The following SRP19 variants were observed in gnomAD, a reference collection of about 807,000 sequenced individuals.
The protein encoded by SRP19 is signal recognition particle 19.
SRP19 carries 11 observed loss-of-function variants against 22.4 expected under a neutral mutation model. The observed-to-expected ratio is 0.49, with a 90% CI of 0.31 to 0.81. The LOEUF (loss-of-function observed/expected upper bound fraction) is 0.81. SRP19 is among the 40% of genes least tolerant of loss of function. The pLI is 0.05. For missense variants in SRP19, 168 were observed against 175.9 expected (o/e 0.96, Z 0.25); for synonymous variants, 61 against 57.6 (o/e 1.06, Z -0.27).
At chr5:112,885,503 A>AGG in intron 4 of SRP19, 4 of 208,626 alleles carry the variant, frequency 1.9e-5, no homozygotes, top group Non-Finnish European at 4.1e-5. Flanking sequence ...CTAACTAGGC[A>AGG]GATGAGGGTA....
At chr5:112,874,831 A>G (rs1389853372) in intron 4 of SRP19, among the ~76,000 whole-genome samples, 2 of 151,216 alleles carry the variant, frequency 1.3e-5, no homozygotes, top group Admixed American at 6.6e-5. Flanking sequence ...CTAGAGTGCA[A>G]ATGGCGTGAT....
At chr5:112,865,954 A>G (rs764711044) in intron 4 of SRP19, among the ~76,000 whole-genome samples, 11 of 152,218 alleles carry the variant, frequency 7.2e-5, no homozygotes, top group East Asian at 3.9e-4. Flanking sequence ...CTCAAACTCA[A>G]GCAATCTTCC....
exon 5 of SRP19, chr5:112,892,355 A>G (rs1462172532): frequency 6.2e-7 from 1 of 1,614,034 alleles, no homozygotes; most frequent in Non-Finnish European, 8.5e-7. Flanking sequence ...GAAACCTACC[A>G]ACAGTTCCTA....
chr5:112,884,049 C>T (rs539132045), intron 4 of SRP19, among the ~76,000 whole-genome samples: 32 of 152,324 alleles, frequency 2.1e-4, no homozygotes, highest in African/African-American at 7.5e-4. Flanking sequence ...CTGCAAGAAC[C>T]TTTTAACTGT....
Position 112,867,599 on chromosome 5 carries a change from T to C in SRP19, c.*62T>C. 1.4e-6 allele frequency: 2 copies of C among 1,463,538 alleles called. No individual in the cohort carries two copies. Among genetic ancestry groups the C allele is most frequent in the Non-Finnish European group, 1.8e-6 (2 of 1,103,640 alleles). 90.7% of individuals were successfully genotyped at this position (1,463,538 alleles called of 1,614,324 possible). A position where few individuals can be genotyped will look rare whatever the true frequency, so the allele number is the denominator to read the frequency against. On this transcript the variant is annotated 3_prime_UTR_variant, in exon 5 of 5. Transcript: ENST00000505459. ...GAGACATGAATGGAGACTTCTAATT[T>C]GTATCGGAGGGAAACAGAAGCTTTT...
Position 112,869,088 on chromosome 5 carries a change from T to C in SRP19, c.*1551T>C, listed in dbSNP as rs1197475409. 6.6e-6 allele frequency: 1 copy of C among 152,192 alleles called. No individual in the cohort carries two copies. Among genetic ancestry groups the C allele is most frequent in the African/African-American group, 2.4e-5 (1 of 41,444 alleles). 9.4% of individuals were successfully genotyped at this position (152,192 alleles called of 1,614,324 possible). The stretch of plus-strand genomic sequence containing the variant: ...ACAATAAGGGGATGTGTTTGCTGTG[T>C]AACAAAACAATGAAGGATTTAAGCA... On this transcript the variant is annotated 3_prime_UTR_variant, in exon 5 of 5. Transcript: ENST00000505459.
intron 4 of SRP19, among the ~76,000 whole-genome samples, chr5:112,890,022 T>C (rs746159194): frequency 1.2e-4 from 18 of 150,386 alleles, no homozygotes; most frequent in Admixed American, 4.6e-4. Flanking sequence ...AGACGGGGTT[T>C]CACCATGTTG....
Position 112,869,155 on chromosome 5 carries a change from G to A in SRP19, c.*1618G>A, listed in dbSNP as rs1393051945. ...TATGTTAAATCCAAGTGAGGTTGCT[G>A]TGGTGGTTGGTTTAGCTCTCAGTGA... On this transcript the variant is annotated 3_prime_UTR_variant, in exon 5 of 5. Transcript: ENST00000505459. 6.6e-6 allele frequency: 1 copy of A among 152,228 alleles called. No homozygotes were observed. The highest frequency in any genetic ancestry group is 1.9e-4 in the East Asian group (1 of 5,204). 9.4% of individuals were successfully genotyped at this position (152,228 alleles called of 1,614,324 possible). A position where few individuals can be genotyped will look rare whatever the true frequency, so the allele number is the denominator to read the frequency against.
exon 5 of SRP19, chr5:112,892,316 C>A: frequency 6.2e-7 from 1 of 1,614,120 alleles, no homozygotes; most frequent in Middle Eastern, 1.6e-4. Flanking sequence ...GACTATGACC[C>A]TGACGCAAGC....
At chr5:112,889,057 C>T (rs1768350072) in intron 4 of SRP19, among the ~76,000 whole-genome samples, 1 of 150,894 alleles carries the variant, frequency 6.6e-6, no homozygotes, top group South Asian at 2.1e-4. Flanking sequence ...TGTAAGACAT[C>T]CCTTTGCTTT....
intron 2 of SRP19, 55 bp downstream of exon 2, chr5:112,862,638 G>T: frequency 4.0e-6 from 6 of 1,501,940 alleles, no homozygotes; most frequent in Non-Finnish European, 5.5e-6. Flanking sequence ...TGTCATCCTG[G>T]TCGGGCCACG....
In SRP19 at chr5:112,878,909, G is replaced by A; in HGVS notation, c.302-12694G>A. ...TGGAATGCAAGCTTGCAAGCTTTGT[G>A]CCTAATGTAGCTACTAGATAACAAA... is the stretch of plus-strand genomic sequence containing the variant. On this transcript the variant is annotated intron_variant, in intron 4 of 4. Transcript: ENST00000391338. 3 of 1,607,666 alleles carry A rather than the reference G, an allele frequency of 1.9e-6. No homozygotes were observed. The South Asian group carries it at 3.3e-5, about 18-fold the overall frequency.
At chr5:112,875,178 C>G (rs1183057167) in intron 4 of SRP19, among the ~76,000 whole-genome samples, 2 of 152,180 alleles carry the variant, frequency 1.3e-5, no homozygotes, top group East Asian at 3.8e-4. Flanking sequence ...GCCAGGAAAA[C>G]TTTTAATATC....
chr5:112,873,309 A>T (rs1350519444), downstream of SRP19, among the ~76,000 whole-genome samples: 98 of 15,472 alleles, frequency 6.3e-3, no homozygotes, highest in Non-Finnish European at 8.1e-3. Flanking sequence ...GCCTTTATTT[A>T]GATTTGCTCA....
At chr5:112,882,589 C>A (rs1333676311) in intron 4 of SRP19, among the ~76,000 whole-genome samples, 1 of 152,166 alleles carries the variant, frequency 6.6e-6, no homozygotes, top group Non-Finnish European at 1.5e-5. Flanking sequence ...CTCAAGCATG[C>A]CTTTAACACT....
intron 4 of SRP19, chr5:112,886,962 C>G (rs549888757): frequency 7.4e-7 from 1 of 1,347,500 alleles, no homozygotes; most frequent in African/African-American, 1.4e-5. Context: ...TATTTGAGCC[C>G]AGTGTGTCAC....
chr5:112,879,746 G>T (rs1327781175), intron 4 of SRP19, among the ~76,000 whole-genome samples: 1 of 151,960 alleles, frequency 6.6e-6, no homozygotes, highest in African/African-American at 2.4e-5. Context: ...AAAGTGCTGG[G>T]ATTACAGACG....
chr5:112,873,697 G>T (rs1200455311), downstream of SRP19, among the ~76,000 whole-genome samples: 6 of 151,928 alleles, frequency 3.9e-5, no homozygotes, highest in Admixed American at 3.9e-4. Flanking sequence ...CCTTTTTCTA[G>T]CATTCTATTC....
In SRP19 at chr5:112,868,273, G is replaced by C. The variant is rs1580717464; in HGVS notation, c.*736G>C. The C allele has an allele frequency of 1.0e-6, 1 of 985,522 alleles. No homozygotes were observed. Among genetic ancestry groups the C allele is most frequent in the Non-Finnish European group, 1.2e-6 (1 of 829,984 alleles). 61.0% of individuals were successfully genotyped at this position (985,522 alleles called of 1,614,324 possible). A position where few individuals can be genotyped will look rare whatever the true frequency, so the allele number is the denominator to read the frequency against. ...ATTGGATTGGTGCTCCAGAATTTCAGAGCGGTTTCTGAAAGTAGTGATTTT... is the reference window on the plus strand; with the variant it reads ...ATTGGATTGGTGCTCCAGAATTTCACAGCGGTTTCTGAAAGTAGTGATTTT... On this transcript the variant is annotated 3_prime_UTR_variant, in exon 5 of 5. Coordinates refer to ENST00000505459, the MANE Select transcript of SRP19 (RefSeq NM_003135.3).
Sources: allele counts gnomAD v4.1 joint callset (sites outside exome capture counted in the v4.1 genomes callset), GRCh38; gene constraint gnomAD v4.1.1; transcripts MANE v1.5; gene names NCBI Gene and HGNC (gene_info 2026-07-23, HGNC 2026-07-21).